The following ADCY2 variants were observed in gnomAD, a reference collection of about 807,000 sequenced individuals.
ADCY2 encodes adenylate cyclase type 2.
Under a neutral mutation model 125.2 loss-of-function variants are expected in ADCY2, and 31 were observed. That is an observed-to-expected ratio of 0.25 (90% CI 0.19 to 0.33). ADCY2 has a LOEUF of 0.33. Among genes scored for constraint, ADCY2 ranks in the 10% least tolerant of loss-of-function variants. The probability of loss-of-function intolerance (pLI) is 1.00; values close to 1 mark genes in which losing one functional copy is unlikely to be tolerated. For synonymous variants in ADCY2, 512 were observed against 548.4 expected (o/e 0.93, Z 0.93); for missense variants, 904 against 1,418.2 (o/e 0.64, Z 5.82).
intron 4 of ADCY2, among the ~76,000 whole-genome samples, chr5:7,668,990 C>T (rs879114574): frequency 6.6e-6 from 1 of 152,182 alleles, no homozygotes; most frequent in Admixed American, 6.5e-5. Flanking sequence ...TTGAAATGTG[C>T]CTGGTTCTAA....
chr5:7,448,250 G>C (rs980132814), intron 2 of ADCY2, among the ~76,000 whole-genome samples: 3 of 152,166 alleles, frequency 2.0e-5, no homozygotes, highest in African/African-American at 7.2e-5. Flanking sequence ...TGTCTCAAAG[G>C]AGTTATCAGG....
chr5:7,820,574 A>G lies in ADCY2; in HGVS notation c.3008A>G (p.His1003Arg), dbSNP rs760187062. The G allele has an allele frequency of 6.2e-7, 1 of 1,613,844 alleles. No individual in the cohort carries two copies. Reference protein sequence around the residue: ...NDFKLRVGINHGPVIAGVIGA... With the variant: ...NDFKLRVGINRGPVIAGVIGA... The stretch of plus-strand genomic sequence containing the variant: ...CTCTGATGTGGCACAGGTATTAACC[A>G]TGGACCTGTGATAGCTGGTGTGATT... The change falls in exon 24 of 25, where the codon CAT (histidine) becomes CGT (arginine). Residue 1003 changes from histidine to arginine, a missense_variant. His to Arg is a conservative substitution (Grantham distance 29). Transcript: ENST00000338316.
At chr5:7,705,048 T>G (rs1741223854) in intron 7 of ADCY2, among the ~76,000 whole-genome samples, 1 of 152,204 alleles carries the variant, frequency 6.6e-6, no homozygotes, top group South Asian at 2.1e-4. Context: ...TCCCTTTTTA[T>G]CCTTCCTTGG....
chr5:7,414,599 A>G lies in ADCY2; in HGVS notation c.237A>G (p.Leu79=), dbSNP rs1181527614. 6.2e-7 allele frequency: 1 copy of G among 1,613,048 alleles called. No individual in the cohort carries two copies. The highest frequency in any genetic ancestry group is 1.1e-5 in the South Asian group (1 of 90,718). ...AAGTTGAAGACCATGTGGCGTTTCT[A>G]ATAACAGTTCCAACTGCCCTGGCGA... The part of the protein sequence containing the change: ...GLEVEDHVAF[L]ITVPTALAIF... Residue 79 remains leucine (L), a synonymous_variant, in exon 2 of 25, where the codon CTA becomes CTG. Coordinates refer to ENST00000338316, the MANE Select transcript of ADCY2 (RefSeq NM_020546.3).
intron 1 of ADCY2, among the ~76,000 whole-genome samples, chr5:7,410,162 C>A (rs1739653958): frequency 6.6e-6 from 1 of 152,150 alleles, no homozygotes; most frequent in African/African-American, 2.4e-5. Context: ...GGACATTCGA[C>A]TTCTCCCACT....
At chr5:7,507,461 A>AAAAAAAAAAAAAT (rs374187517) in intron 2 of ADCY2, among the ~76,000 whole-genome samples, 2,619 of 113,364 alleles carry the variant, frequency 0.023, 221 homozygotes, top group Non-Finnish European at 0.032. Context: ...AAAAAAAAAA[A>AAAAAAAAAAAAAT]GGTAACAAAG....
chr5:7,532,399 TAGTC>T (rs1734679140), intron 3 of ADCY2, among the ~76,000 whole-genome samples: 1 of 152,212 alleles, frequency 6.6e-6, no homozygotes, highest in Admixed American at 6.5e-5. Context: ...TCCGGGTAAG[TAGTC>T]ATGTCATTTT....
chr5:7,411,586 T>C (rs1159665023), intron 1 of ADCY2, among the ~76,000 whole-genome samples: 1 of 148,830 alleles, frequency 6.7e-6, no homozygotes, highest in Non-Finnish European at 1.5e-5. Context: ...ACCCAGACAC[T>C]GTGCTCACTG....
chr5:7,421,259 A>C (rs1740193223), intron 2 of ADCY2, among the ~76,000 whole-genome samples: 1 of 152,228 alleles, frequency 6.6e-6, no homozygotes. Flanking sequence ...GAACAAATAG[A>C]AGATATTTAT....
At position 7,712,906 on chromosome 5, in the gene ADCY2, T is replaced by A; in HGVS notation, c.1622+7T>A. Reference sequence around the variant, plus strand: ...TTCAAAATCGCACCTTAAGGTATGGTATCTCTCTATCTGATTTTTTAAAGC... The same window carrying A: ...TTCAAAATCGCACCTTAAGGTATGGAATCTCTCTATCTGATTTTTTAAAGC... On this transcript the variant is annotated splice_region_variant and intron_variant, in intron 11 of 24. Transcript: ENST00000338316. The A allele has an allele frequency of 1.3e-6, 2 of 1,589,202 alleles. No individual in the cohort carries two copies. The highest frequency in any genetic ancestry group is 1.7e-6 in the Non-Finnish European group (2 of 1,158,312).
intron 7 of ADCY2, among the ~76,000 whole-genome samples, chr5:7,699,706 G>T (rs1253487987): frequency 2.6e-5 from 4 of 152,104 alleles, no homozygotes; most frequent in Non-Finnish European, 4.4e-5. Context: ...GCCCACCTCA[G>T]CTTCCCAAGT....
intron 2 of ADCY2, among the ~76,000 whole-genome samples, chr5:7,509,381 CT>C (rs1743970187): frequency 6.6e-6 from 1 of 152,162 alleles, no homozygotes; most frequent in Non-Finnish European, 1.5e-5. Flanking sequence ...AGCGTAGAGG[CT>C]GAGGGTTCAG....
intron 4 of ADCY2, among the ~76,000 whole-genome samples, chr5:7,641,083 A>G (rs1405291371): frequency 6.6e-6 from 1 of 152,214 alleles, no homozygotes; most frequent in Non-Finnish European, 1.5e-5. Flanking sequence ...TCAAGGCAGG[A>G]GATTATAAGA....
At chr5:7,450,506 G>A (rs1741433510) in intron 2 of ADCY2, among the ~76,000 whole-genome samples, 2 of 152,184 alleles carry the variant, frequency 1.3e-5, no homozygotes, top group African/African-American at 2.4e-5. Context: ...TGAGATTTGA[G>A]GAAAGACATC....
chr5:7,706,679 T>A, intron 7 of ADCY2, 65 bp from the exon 8 acceptor site: 1 of 1,562,558 alleles, frequency 6.4e-7, no homozygotes, highest in South Asian at 1.1e-5. Context: ...ACTGGGAAAA[T>A]TGGCCAAGAG....
At chr5:7,423,317 G>A (rs947468860) in intron 2 of ADCY2, among the ~76,000 whole-genome samples, 5 of 151,892 alleles carry the variant, frequency 3.3e-5, no homozygotes, top group Middle Eastern at 3.7e-3. Context: ...CAGCCAGAGC[G>A]TTGAGAAACC....
chr5:7,427,126 A>G (rs1740414421), intron 2 of ADCY2, among the ~76,000 whole-genome samples: 1 of 152,014 alleles, frequency 6.6e-6, no homozygotes, highest in African/African-American at 2.4e-5. Context: ...GCATCTTCTC[A>G]ATATTCTGTG....
intron 2 of ADCY2, among the ~76,000 whole-genome samples, chr5:7,497,517 A>G (rs1449858027): frequency 2.6e-5 from 4 of 152,172 alleles, no homozygotes; most frequent in South Asian, 2.1e-4. Flanking sequence ...GCGGCCTCAT[A>G]ATCTAAATTT....
chr5:7,589,568 GAGAAA>G (rs1736781795), intron 3 of ADCY2, among the ~76,000 whole-genome samples: 1 of 150,958 alleles, frequency 6.6e-6, no homozygotes, highest in Non-Finnish European at 1.5e-5. Flanking sequence ...GAAGGAAGGA[GAGAAA>G]AGAAAGAAAA....
Sources: allele counts gnomAD v4.1 joint callset (sites outside exome capture counted in the v4.1 genomes callset), GRCh38; gene constraint gnomAD v4.1.1; transcripts MANE v1.5; gene names NCBI Gene and HGNC (gene_info 2026-07-23, HGNC 2026-07-21).